The following CDHR3 variants were observed in gnomAD, a reference collection of about 807,000 sequenced individuals.
The protein encoded by CDHR3 is cadherin related family member 3.
Under a neutral mutation model 86.6 loss-of-function variants are expected in CDHR3, and 79 were observed. The ratio of observed to expected loss-of-function variants is 0.91; its 90% CI spans 0.76 to 1.10. The LOEUF is 1.10. CDHR3 is among the 50% of genes least tolerant of loss of function. The pLI, the probability that CDHR3 is intolerant of heterozygous loss-of-function variation, is 0.00. For missense variants in CDHR3, 1,081 were observed against 1,077.6 expected, an observed-to-expected ratio of 1.00 and a Z score of -0.04; for synonymous variants, 421 against 402.4, an observed-to-expected ratio of 1.05 and a Z score of -0.55.
Position 105,975,902 on chromosome 7 carries a change from T to G in CDHR3, c.249+856T>G, listed in dbSNP as rs561653329. On this transcript the variant is annotated intron_variant, in intron 2 of 18. Transcript: ENST00000317716. ...AGGTTCCCATTACGTGTTCTTAAACTCAGCTTATCATTAGTCACTAGGAGA... is the reference window on the plus strand; with the variant it reads ...AGGTTCCCATTACGTGTTCTTAAACGCAGCTTATCATTAGTCACTAGGAGA... 7.2e-5 allele frequency among the ~76,000 whole-genome samples: 11 copies of G among 152,256 alleles called. No homozygotes were observed. The East Asian group carries it at 2.1e-3, about 29-fold the overall frequency.
intron 7 of CDHR3, among the ~76,000 whole-genome samples, chr7:106,002,598 C>G (rs1233677994): frequency 6.6e-6 from 1 of 152,096 alleles, no homozygotes; most frequent in Non-Finnish European, 1.5e-5. Context: ...ATCCCATCAC[C>G]TTTTTCTCAA....
Position 105,995,768 on chromosome 7 carries a change from C to A in CDHR3, c.609-482C>A, listed in dbSNP as rs550101065. Among the ~76,000 whole-genome samples the A allele has an allele frequency of 5.9e-5, 9 of 152,190 alleles. No individual in the cohort carries two copies. The South Asian group carries it at 1.9e-3, about 32-fold the overall frequency. On this transcript the variant is annotated intron_variant, in intron 5 of 18. Coordinates refer to ENST00000317716, the MANE Select transcript of CDHR3 (RefSeq NM_152750.5). The stretch of plus-strand genomic sequence containing the variant: ...GGTGATCTATACAAGATTTCTCAGA[C>A]CCCATCTTGTTTGGGAAAGGCAGCC...
At chr7:106,001,742 G>A in intron 7 of CDHR3, 132 bp downstream of exon 7, 1 of 1,103,190 alleles carries the variant, frequency 9.1e-7, no homozygotes, top group East Asian at 2.4e-5. Context: ...ATCCACGTAT[G>A]CTCAAGTTTC....
chr7:106,005,831 C>T (rs186210698), intron 8 of CDHR3, among the ~76,000 whole-genome samples: 46 of 152,274 alleles, frequency 3.0e-4, no homozygotes, highest in African/African-American at 9.4e-4. Flanking sequence ...GATATCAAAA[C>T]GGTTAAACTC....
At chr7:105,989,168 T>C (rs1269203775) in intron 4 of CDHR3, among the ~76,000 whole-genome samples, 3 of 152,064 alleles carry the variant, frequency 2.0e-5, no homozygotes, top group African/African-American at 7.2e-5. Flanking sequence ...AGAAGGATGA[T>C]CTGCATGTGA....
At chr7:106,018,229 A>T (rs1045557819) in intron 12 of CDHR3, among the ~76,000 whole-genome samples, 157 bp downstream of exon 12, 1 of 151,998 alleles carries the variant, frequency 6.6e-6, no homozygotes, top group Non-Finnish European at 1.5e-5. Context: ...GGAAATAAAG[A>T]TCCACATTTT....
intron 14 of CDHR3, among the ~76,000 whole-genome samples, chr7:106,024,079 A>G (rs1033266344): frequency 6.6e-6 from 1 of 152,160 alleles, no homozygotes; most frequent in Admixed American, 6.5e-5. Flanking sequence ...ATGCCCAGAT[A>G]TGGCAGAAAA....
Position 106,028,714 on chromosome 7 carries a change from G to A in CDHR3, c.2304+132G>A, listed in dbSNP as rs1837760186. ...AGGGAGGTGCTTGTGTTTGGCTACTGGAACAGATTGCTGTGTGACGAGCTC... is the reference window on the plus strand; with the variant it reads ...AGGGAGGTGCTTGTGTTTGGCTACTAGAACAGATTGCTGTGTGACGAGCTC... On this transcript the variant is annotated intron_variant, in intron 17 of 18. Transcript: ENST00000317716. The A allele has an allele frequency of 5.7e-6, 5 of 879,142 alleles. No homozygotes were observed. The South Asian group carries it at 6.6e-5, about 12-fold the overall frequency. 54.5% of individuals were successfully genotyped at this position (879,142 alleles called of 1,614,324 possible).
At chr7:105,985,771 C>G (rs1830433769) in intron 4 of CDHR3, among the ~76,000 whole-genome samples, 1 of 152,120 alleles carries the variant, frequency 6.6e-6, no homozygotes, top group Non-Finnish European at 1.5e-5. Context: ...AAGAGCAATA[C>G]TAGGTGCTTG....
chr7:105,977,578 T>C (rs1199832586), intron 2 of CDHR3, among the ~76,000 whole-genome samples: 1 of 152,220 alleles, frequency 6.6e-6, no homozygotes, highest in Non-Finnish European at 1.5e-5. Flanking sequence ...CATGAAGCTG[T>C]TCTTAAGAAC....
At chr7:106,022,999 A>C (rs529904586) in intron 14 of CDHR3, among the ~76,000 whole-genome samples, 1 of 152,216 alleles carries the variant, frequency 6.6e-6, no homozygotes, top group Non-Finnish European at 1.5e-5. Flanking sequence ...TCACTTTAGC[A>C]AACAAGCCAA....
intron 5 of CDHR3, among the ~76,000 whole-genome samples, chr7:105,995,594 A>T (rs2526976): frequency 0.73 from 110,793 of 151,972 alleles, 41,212 homozygotes; most frequent in Non-Finnish European, 0.81. Context: ...CCTTGAGTCC[A>T]CTGGCGAAGA....
intron 15 of CDHR3, among the ~76,000 whole-genome samples, chr7:106,026,404 A>G (rs1837349130): frequency 6.6e-6 from 1 of 152,214 alleles, no homozygotes; most frequent in African/African-American, 2.4e-5. Flanking sequence ...AGGTTTTCTC[A>G]TCAGAAACAA....
intron 4 of CDHR3, among the ~76,000 whole-genome samples, chr7:105,992,628 C>T (rs184927252): frequency 6.6e-6 from 1 of 152,094 alleles, no homozygotes; most frequent in Non-Finnish European, 1.5e-5. Context: ...TAAAATAAAC[C>T]CCTGTGGTAG....
At chr7:105,970,313 T>A (rs1457774103) in intron 1 of CDHR3, among the ~76,000 whole-genome samples, 1 of 152,170 alleles carries the variant, frequency 6.6e-6, no homozygotes, top group South Asian at 2.1e-4. Flanking sequence ...GCCCCATTGG[T>A]CCATTTCTGG....
chr7:106,027,324 C>A (rs1205225421), intron 16 of CDHR3, among the ~76,000 whole-genome samples: 1 of 151,284 alleles, frequency 6.6e-6, no homozygotes, highest in Non-Finnish European at 1.5e-5. Flanking sequence ...TTGAACCCAG[C>A]AGGTGGAGGT....
intron 8 of CDHR3, among the ~76,000 whole-genome samples, chr7:106,011,020 T>A (rs1834719360): frequency 6.6e-6 from 1 of 152,224 alleles, no homozygotes; most frequent in African/African-American, 2.4e-5. Context: ...AACACAGTGA[T>A]GGATTTCAGA....
intron 2 of CDHR3, among the ~76,000 whole-genome samples, chr7:105,980,610 T>A (rs1829548888): frequency 4.7e-5 from 2 of 42,686 alleles, no homozygotes; most frequent in African/African-American, 6.9e-5. Context: ...TTTTTTAATT[T>A]TTTTTTTTTT....
chr7:106,028,938 TTC>T (rs1491292043), intron 17 of CDHR3, among the ~76,000 whole-genome samples: 7 of 126,092 alleles, frequency 5.6e-5, no homozygotes, highest in Non-Finnish European at 1.1e-4. Flanking sequence ...CTTTCTTTCT[TTC>T]TTTCTTTCTT....
Sources: allele counts gnomAD v4.1 joint callset (sites outside exome capture counted in the v4.1 genomes callset), GRCh38; gene constraint gnomAD v4.1.1; transcripts MANE v1.5; gene names NCBI Gene and HGNC (gene_info 2026-07-23, HGNC 2026-07-21).